PDS5A: variants seen among roughly 807,000 people sequenced by gnomAD.
PDS5A encodes sister chromatid cohesion protein PDS5 homolog A.
In PDS5A, 42 loss-of-function variants were observed where a neutral mutation model predicts 167.1. The observed-to-expected ratio is 0.25, with a 90% CI of 0.20 to 0.33. PDS5A has a LOEUF of 0.33. Ranked by LOEUF, PDS5A falls within the 10% of genes least tolerant of loss-of-function variation. The pLI, the probability that PDS5A is intolerant of heterozygous loss-of-function variation, is 1.00. For synonymous variants in PDS5A, 553 were observed against 554.6 expected (o/e 1.00, Z 0.04); for missense variants, 1,033 against 1,605.9 (o/e 0.64, Z 6.10).
intron 26 of PDS5A, among the ~76,000 whole-genome samples, chr4:39,855,931 T>C (rs1278308693): frequency 6.6e-6 from 1 of 152,040 alleles, no homozygotes; most frequent in Non-Finnish European, 1.5e-5. Context: ...GAAATAATGG[T>C]CAAAAACTTG....
chr4:39,916,301 A>G lies in PDS5A; in HGVS notation c.876+747T>C, dbSNP rs1159149297. On this transcript the variant is annotated intron_variant, in intron 8 of 32. Transcript: ENST00000303538. ...AATAGCAGAGGGGCAAGAATTACGA[A>G]TTACTTGCTCAGTTGTCTATAAAAA... is the stretch of plus-strand genomic sequence containing the variant. 2.6e-5 allele frequency among the ~76,000 whole-genome samples: 4 copies of G among 152,186 alleles called. No homozygotes were observed. In the East Asian group the frequency reaches 7.7e-4, roughly 29 times the overall value.
chr4:39,973,395 A>T, intron 2 of PDS5A: 1 of 1,588,178 alleles, frequency 6.3e-7, no homozygotes, highest in Non-Finnish European at 8.6e-7. Flanking sequence ...GAACTCCCGC[A>T]GCATATTTAT....
At chr4:39,849,037 T>A in intron 27 of PDS5A, 67 bp from the exon 28 acceptor site, 4 of 1,083,312 alleles carry the variant, frequency 3.7e-6, no homozygotes, top group Non-Finnish European at 5.3e-6. Context: ...CCAATTCCAC[T>A]AAATGTATAA....
chr4:39,964,711 A>C (rs1020544251), intron 2 of PDS5A, among the ~76,000 whole-genome samples: 2 of 151,294 alleles, frequency 1.3e-5, no homozygotes, highest in Non-Finnish European at 2.9e-5. Context: ...TAATAATAAA[A>C]TATGCCCTGG....
At chr4:39,879,336 C>T (rs896767496) in intron 18 of PDS5A, among the ~76,000 whole-genome samples, 4 of 152,000 alleles carry the variant, frequency 2.6e-5, no homozygotes, top group African/African-American at 9.7e-5. Flanking sequence ...TCTAGTCATG[C>T]CAGTCTCCCA....
Position 39,958,506 on chromosome 4 carries a change from CA to C in PDS5A, c.138+17933del, listed in dbSNP as rs370128527. Among the ~76,000 whole-genome samples the C allele has an allele frequency of 7.5e-3, 604 of 80,358 alleles. 2 individuals are homozygous for C. Among genetic ancestry groups the C allele is most frequent in the Middle Eastern group, 0.026 (3 of 116 alleles). The allele number at this position is 80,358 out of a possible 152,430, so 52.7% of individuals were successfully genotyped here. On this transcript the variant is annotated intron_variant, in intron 2 of 32. Coordinates refer to ENST00000303538, the MANE Select transcript of PDS5A (RefSeq NM_001100399.2). Reference sequence around the variant, plus strand: ...TGGGCCCAAGAGCGAAACTGTGTCTCAAAAAAAAAAAAAAAAAGGTACGGGT... The same window carrying C: ...TGGGCCCAAGAGCGAAACTGTGTCTCAAAAAAAAAAAAAAAAGGTACGGGT...
intron 9 of PDS5A, among the ~76,000 whole-genome samples, chr4:39,911,794 T>C (rs964773692): frequency 6.8e-6 from 1 of 146,092 alleles, no homozygotes; most frequent in African/African-American, 2.6e-5. Flanking sequence ...ATCGCGCCAC[T>C]GCACTCCAGC....
intron 17 of PDS5A, among the ~76,000 whole-genome samples, chr4:39,885,991 T>G (rs1477026405): frequency 1.3e-5 from 2 of 152,128 alleles, no homozygotes; most frequent in Admixed American, 1.3e-4. Flanking sequence ...ATTTTGATTT[T>G]TTTGTATGTT....
chr4:39,917,254 A>G, intron 7 of PDS5A, 66 bp from the exon 8 acceptor site: 3 of 1,058,348 alleles, frequency 2.8e-6, no homozygotes, highest in Non-Finnish European at 4.0e-6. Flanking sequence ...TACATTTTTA[A>G]TAAACATTTT....
intron 2 of PDS5A, among the ~76,000 whole-genome samples, chr4:39,941,542 T>C (rs1361016645): frequency 1.3e-5 from 2 of 152,242 alleles, no homozygotes; most frequent in Non-Finnish European, 2.9e-5. Flanking sequence ...ATTTATTTAA[T>C]ATGCATTCAA....
At chr4:39,931,106 C>G (rs2109745476) in intron 2 of PDS5A, among the ~76,000 whole-genome samples, 1 of 152,128 alleles carries the variant, frequency 6.6e-6, no homozygotes, top group African/African-American at 2.4e-5. Context: ...CCAGCAGTTC[C>G]AAGACAAGGG....
intron 8 of PDS5A, among the ~76,000 whole-genome samples, chr4:39,915,728 T>A (rs1301734750): frequency 6.6e-6 from 1 of 152,182 alleles, no homozygotes; most frequent in East Asian, 1.9e-4. Context: ...CACAACCTTC[T>A]AATAAGTTCA....
At chr4:39,942,537 A>G (rs1391815226) in intron 2 of PDS5A, among the ~76,000 whole-genome samples, 2 of 152,092 alleles carry the variant, frequency 1.3e-5, no homozygotes, top group African/African-American at 4.8e-5. Context: ...TACAGCCTTA[A>G]GCTCTCAGCC....
chr4:39,859,910 C>T, intron 26 of PDS5A, among the ~76,000 whole-genome samples: 1 of 152,134 alleles, frequency 6.6e-6, no homozygotes, highest in East Asian at 1.9e-4. Flanking sequence ...AGTGGGGACA[C>T]CATGTTGAAG....
At chr4:39,866,785 AT>A in intron 23 of PDS5A, 75 bp downstream of exon 23, 2 of 1,286,984 alleles carry the variant, frequency 1.6e-6, no homozygotes, top group Non-Finnish European at 2.2e-6. Context: ...TTCAGTATTC[AT>A]TAGGTAAATA....
chr4:39,959,576 G>T (rs953309907), intron 2 of PDS5A, among the ~76,000 whole-genome samples: 1 of 151,954 alleles, frequency 6.6e-6, no homozygotes, highest in Non-Finnish European at 1.5e-5. Flanking sequence ...GAGCTCAAGT[G>T]ATCTGTCTGC....
chr4:39,964,331 T>C (rs1729775054), intron 2 of PDS5A, among the ~76,000 whole-genome samples: 1 of 152,212 alleles, frequency 6.6e-6, no homozygotes, highest in African/African-American at 2.4e-5. Context: ...CATGGCTGAC[T>C]GGCTGATTAA....
intron 2 of PDS5A, among the ~76,000 whole-genome samples, chr4:39,958,605 CTTTT>C (rs142278384): frequency 6.8e-6 from 1 of 147,402 alleles, no homozygotes; most frequent in Admixed American, 6.8e-5. Context: ...CATTTCTTGT[CTTTT>C]TTTTTTTCTT....
chr4:39,944,536 T>C (rs752790726), intron 2 of PDS5A, among the ~76,000 whole-genome samples: 18 of 151,732 alleles, frequency 1.2e-4, no homozygotes, highest in Non-Finnish European at 2.2e-4. Flanking sequence ...CTACTAAAAA[T>C]ACAAAAACTT....
Sources: gnomAD v4.1 joint callset for allele counts (sites outside exome capture counted in the v4.1 genomes callset) on GRCh38, gnomAD v4.1.1 for gene constraint, MANE v1.5 for transcripts, NCBI Gene and HGNC (gene_info 2026-07-23, HGNC 2026-07-21) for gene names.